Variants in SORCS1 observed in about 807,000 individuals in gnomAD.
The protein encoded by SORCS1 is VPS10 domain-containing receptor SorCS1.
SORCS1 carries 60 observed loss-of-function variants against 146.1 expected under a neutral mutation model. That is an observed-to-expected ratio of 0.41 (90% CI 0.33 to 0.51). The LOEUF (loss-of-function observed/expected upper bound fraction) is 0.51. Among genes scored for constraint, SORCS1 ranks in the 20% least tolerant of loss-of-function variants. SORCS1 has a pLI of 0.21. For missense variants in SORCS1, 1,352 were observed against 1,487.6 expected, an observed-to-expected ratio of 0.91 and a Z score of 1.50; for synonymous variants, 637 against 584.0, an observed-to-expected ratio of 1.09 and a Z score of -1.31.
chr10:107,035,052 C>T (rs1214471693), intron 1 of SORCS1, among the ~76,000 whole-genome samples: 3 of 152,012 alleles, frequency 2.0e-5, no homozygotes, highest in Non-Finnish European at 4.4e-5. Context: ...AATGCATGTA[C>T]AATTTTAATT....
chr10:106,688,228 G>A lies in SORCS1; in HGVS notation c.1524C>T (p.Asp508=). 1.2e-6 allele frequency: 2 copies of A among 1,614,020 alleles called. No individual in the cohort carries two copies. The highest frequency in any genetic ancestry group is 1.7e-6 in the Non-Finnish European group (2 of 1,179,932). Residue 508 remains aspartate, a synonymous_variant, in exon 10 of 26, where the codon GAC becomes GAT. Coordinates refer to ENST00000263054, the MANE Select transcript of SORCS1 (RefSeq NM_052918.5). The part of the protein sequence containing the change: ...GRDWRLLQAP[D]TDLRGDPVHC... ...GCACGGGGTCCCCCCTTAGATCCGT[G>A]TCCGGCGCCTGCAGCAAACGCCAGT...
rs556408042 is a variant in SORCS1, at chr10:106,777,622, G to A, written c.727-930C>T. On this transcript the variant is annotated intron_variant, in intron 3 of 25. Coordinates refer to ENST00000263054, the MANE Select transcript of SORCS1 (RefSeq NM_052918.5). The stretch of plus-strand genomic sequence containing the variant: ...TACGTAAAAATTCACAGCTTCAGAC[G>A]TTTTACACTGTCTCATTGGGATGCC... Among the ~76,000 whole-genome samples the A allele has an allele frequency of 1.8e-4, 28 of 152,280 alleles. No homozygotes were observed. The South Asian group carries it at 3.1e-3, about 17-fold the overall frequency.
intron 1 of SORCS1, among the ~76,000 whole-genome samples, chr10:106,959,417 T>C (rs1955118169): frequency 6.6e-6 from 1 of 152,238 alleles, no homozygotes; most frequent in South Asian, 2.1e-4. Flanking sequence ...TTCCCTTCAC[T>C]GCCTCTGTGC....
chr10:106,595,221 C>T (rs1466449163), intron 24 of SORCS1, among the ~76,000 whole-genome samples: 1 of 152,182 alleles, frequency 6.6e-6, no homozygotes, highest in Non-Finnish European at 1.5e-5. Flanking sequence ...CTTTTACCAG[C>T]AATAGCAGTT....
intron 1 of SORCS1, among the ~76,000 whole-genome samples, chr10:107,133,701 G>T (rs932564782): frequency 6.6e-6 from 1 of 152,154 alleles, no homozygotes; most frequent in Non-Finnish European, 1.5e-5. Flanking sequence ...TGTTTCACCA[G>T]CCTTGGTGCA....
intron 3 of SORCS1, among the ~76,000 whole-genome samples, chr10:106,794,873 A>G (rs958599243): frequency 2.6e-5 from 4 of 152,106 alleles, no homozygotes; most frequent in African/African-American, 4.8e-5. Flanking sequence ...TTCATCTACA[A>G]TTACCTGTGT....
intron 12 of SORCS1, 106 bp from the exon 13 acceptor site, chr10:106,677,510 A>T (rs1380601388): frequency 3.1e-6 from 3 of 978,222 alleles, no homozygotes; most frequent in Non-Finnish European, 4.7e-6. Flanking sequence ...CATGATAAAA[A>T]TAGGTTTCCC....
chr10:107,159,533 T>TAAAG (rs946583266), intron 1 of SORCS1, among the ~76,000 whole-genome samples: 1 of 152,164 alleles, frequency 6.6e-6, no homozygotes, highest in African/African-American at 2.4e-5. Context: ...TTACTAGGAA[T>TAAAG]AAAGCACTTT....
intron 19 of SORCS1, among the ~76,000 whole-genome samples, chr10:106,624,286 G>A (rs1218251283): frequency 3.3e-5 from 5 of 150,832 alleles, no homozygotes; most frequent in Admixed American, 6.6e-5. Flanking sequence ...TGCCATGTTT[G>A]AGAAATTGTC....
At chr10:106,631,284 A>G (rs1848427033) in intron 18 of SORCS1, among the ~76,000 whole-genome samples, 1 of 152,258 alleles carries the variant, frequency 6.6e-6, no homozygotes, top group Non-Finnish European at 1.5e-5. Context: ...TCAAAACTAC[A>G]AAATAAATAT....
intron 1 of SORCS1, among the ~76,000 whole-genome samples, chr10:107,099,572 T>A (rs1396712566): frequency 6.6e-6 from 1 of 152,216 alleles, no homozygotes; most frequent in Admixed American, 6.5e-5. Context: ...AGTCTATTAA[T>A]AGTCTCATGT....
intron 6 of SORCS1, among the ~76,000 whole-genome samples, chr10:106,727,120 G>C (rs10786966): frequency 0.86 from 130,256 of 151,740 alleles, 57,251 homozygotes; most frequent in Non-Finnish European, 0.97. Flanking sequence ...AATGCAGACT[G>C]TCAGGCCCCT....
chr10:106,926,155 A>G (rs1415199451), intron 2 of SORCS1, among the ~76,000 whole-genome samples: 1 of 37,788 alleles, frequency 2.6e-5, no homozygotes, highest in Non-Finnish European at 1.1e-4. Context: ...TTGTATCCTT[A>G]AGAGTTATGT....
At chr10:106,685,081 A>G (rs1368568296) in intron 10 of SORCS1, among the ~76,000 whole-genome samples, 2 of 152,164 alleles carry the variant, frequency 1.3e-5, no homozygotes, top group East Asian at 3.8e-4. Context: ...TCTTTCTTCC[A>G]TCTTAATGAG....
intron 21 of SORCS1, among the ~76,000 whole-genome samples, chr10:106,616,179 C>G (rs1847349444): frequency 6.6e-6 from 1 of 152,096 alleles, no homozygotes; most frequent in Non-Finnish European, 1.5e-5. Flanking sequence ...TGGGCTGGAC[C>G]AGATAAGGCC....
upstream of SORCS1, among the ~76,000 whole-genome samples, chr10:107,164,856 A>AGCTGC (rs553288753): frequency 0.028 from 4,106 of 146,524 alleles, 156 homozygotes; most frequent in African/African-American, 0.094. This position sits in a 1 kb window ranked among gnomAD's most constrained non-coding sequence, Gnocchi z 6.8. Context: ...CCCGCGGCCG[A>AGCTGC]GCTGCGCTGC....
At chr10:107,017,595 T>C (rs1214722446) in intron 1 of SORCS1, among the ~76,000 whole-genome samples, 5 of 152,234 alleles carry the variant, frequency 3.3e-5, no homozygotes, top group South Asian at 2.1e-4. Context: ...CTCTCTGATC[T>C]TCTATTGCCT....
At chr10:106,616,865 A>G (rs1847395727) in intron 21 of SORCS1, among the ~76,000 whole-genome samples, 1 of 152,108 alleles carries the variant, frequency 6.6e-6, no homozygotes, top group African/African-American at 2.4e-5. Context: ...GCCCCAAATT[A>G]TCTCATCAAA....
At chr10:106,755,327 T>C (rs1858551876) in intron 5 of SORCS1, among the ~76,000 whole-genome samples, 1 of 152,228 alleles carries the variant, frequency 6.6e-6, no homozygotes. Flanking sequence ...ACCTGGCTGT[T>C]ACAAATTATG....
Sources: gnomAD v4.1 joint callset for allele counts (sites outside exome capture counted in the v4.1 genomes callset) on GRCh38, gnomAD v4.1.1 for gene constraint, Gnocchi (gnomAD v3.1) non-coding constraint, MANE v1.5 for transcripts, NCBI Gene and HGNC (gene_info 2026-07-23, HGNC 2026-07-21) for gene names.